Variants in LAMA3 observed in about 807,000 individuals in gnomAD.
LAMA3 encodes laminin subunit alpha-3.
LAMA3 carries 281 observed loss-of-function variants against 402.0 expected under a neutral mutation model. The observed-to-expected ratio is 0.70, with a 90% CI of 0.63 to 0.77. The LOEUF is 0.77. Among genes scored for constraint, LAMA3 ranks in the 30% least tolerant of loss-of-function variants. The probability of loss-of-function intolerance (pLI) is 0.00; values close to 1 mark genes in which losing one functional copy is unlikely to be tolerated. For missense variants in LAMA3, 3,840 were observed against 4,215.5 expected (o/e 0.91, Z 2.47); for synonymous variants, 1,431 against 1,558.4 (o/e 0.92, Z 1.93).
chr18:23,932,450 A>G (rs1416870578), intron 66 of LAMA3, 159 bp downstream of exon 66: 1 of 769,700 alleles, frequency 1.3e-6, no homozygotes, highest in East Asian at 2.8e-5. Flanking sequence ...AGATACACCC[A>G]TTAAAAAACC....
intron 55 of LAMA3, 145 bp from the exon 56 acceptor site, chr18:23,912,566 C>T (rs1449985534): frequency 1.4e-6 from 1 of 716,414 alleles, no homozygotes. Flanking sequence ...TGATCCAGGG[C>T]TTAGAGACAT....
intron 23 of LAMA3, among the ~76,000 whole-genome samples, chr18:23,830,069 AC>A (rs1188972704): frequency 4.0e-5 from 6 of 151,668 alleles, no homozygotes; most frequent in African/African-American, 1.4e-4. Context: ...CTGCTTCCAG[AC>A]CTAGAGGACA....
intron 42 of LAMA3, among the ~76,000 whole-genome samples, chr18:23,890,589 G>A (rs910869096): frequency 1.3e-5 from 2 of 152,160 alleles, no homozygotes; most frequent in African/African-American, 4.8e-5. Context: ...AAGATAATTA[G>A]CAGAAGTTAG....
intron 13 of LAMA3, among the ~76,000 whole-genome samples, chr18:23,811,538 C>T (rs1275170118): frequency 1.3e-5 from 2 of 152,150 alleles, no homozygotes; most frequent in East Asian, 3.9e-4. Context: ...CTGCTCACCT[C>T]CATGGGCCTC....
At chr18:23,947,216 C>A (rs758464611) in intron 70 of LAMA3, among the ~76,000 whole-genome samples, 12 of 152,128 alleles carry the variant, frequency 7.9e-5, no homozygotes, top group Non-Finnish European at 1.5e-4. Context: ...CTCTCTCCTA[C>A]CCCCTGCCAC....
rs918507857 is a variant in LAMA3 at position 23,811,977 on chromosome 18, G to C, written c.1742-1080G>C. On this transcript the variant is annotated intron_variant, in intron 13 of 74. Coordinates refer to ENST00000313654, the MANE Select transcript of LAMA3 (RefSeq NM_198129.4). Reference sequence around the variant, plus strand: ...CGAGCTCTGCCTCACGGGTTCAAGCGATTCTCCTGCCTCAGCCTCTCGAGT... The same window carrying C: ...CGAGCTCTGCCTCACGGGTTCAAGCCATTCTCCTGCCTCAGCCTCTCGAGT... 2.0e-5 allele frequency among the ~76,000 whole-genome samples: 3 copies of C among 151,886 alleles called. No individual in the cohort carries two copies. The East Asian group carries it at 5.9e-4, about 30-fold the overall frequency.
chr18:23,806,807 A>T (rs2062971186), intron 12 of LAMA3, among the ~76,000 whole-genome samples: 1 of 152,124 alleles, frequency 6.6e-6, no homozygotes, highest in African/African-American at 2.4e-5. Context: ...GGAGATAAGG[A>T]TTTCTTTCTA....
chr18:23,876,422 A>G lies in LAMA3; in HGVS notation c.5112+15A>G. 6.7e-7 allele frequency: 1 copy of G among 1,489,128 alleles called. No homozygotes were observed. 92.2% of individuals were successfully genotyped at this position (1,489,128 alleles called of 1,614,324 possible). On this transcript the variant is annotated intron_variant, in intron 39 of 74. Coordinates refer to ENST00000313654, the MANE Select transcript of LAMA3 (RefSeq NM_198129.4). ...GCATATGTGTTGTGAGTAAATTGAC[A>G]CTTTAATGCTATCAGCAGACAATCT...
At chr18:23,905,823 G>T (rs2081229616) in intron 52 of LAMA3, among the ~76,000 whole-genome samples, 199 bp downstream of exon 52, 2 of 152,072 alleles carry the variant, frequency 1.3e-5, no homozygotes. Context: ...GGAGTGCAGT[G>T]GCACAATCAT....
chr18:23,909,098 G>A (rs1470065962), intron 54 of LAMA3, 55 bp from the exon 55 acceptor site: 2 of 1,534,542 alleles, frequency 1.3e-6, no homozygotes, highest in Admixed American at 3.3e-5. Flanking sequence ...AACATTTGTA[G>A]TTAGCCTTTT....
At chr18:23,937,373 A>C (rs1165866939) in intron 67 of LAMA3, among the ~76,000 whole-genome samples, 1 of 6,236 alleles carries the variant, frequency 1.6e-4, no homozygotes, top group South Asian at 5.5e-3. Context: ...CTCAAAAGCA[A>C]AAAAAAAAAA....
At chr18:23,704,546 C>A (rs1266689555) in intron 1 of LAMA3, among the ~76,000 whole-genome samples, 1 of 152,206 alleles carries the variant, frequency 6.6e-6, no homozygotes, top group Non-Finnish European at 1.5e-5. Flanking sequence ...CACAGTGTTC[C>A]TTTGCTGGGC....
intron 1 of LAMA3, among the ~76,000 whole-genome samples, chr18:23,711,800 AATT>A (rs1480829965): frequency 5.3e-5 from 8 of 152,196 alleles, no homozygotes; most frequent in African/African-American, 9.7e-5. Context: ...TCTTCATCTT[AATT>A]ATTATTATTA....
At position 23,811,651 on chromosome 18, in the gene LAMA3, G is replaced by T. The variant is rs374399822; in HGVS notation, c.1741+1148G>T. On this transcript the variant is annotated intron_variant, in intron 13 of 74. Transcript: ENST00000313654. ...TTTGTGTCCTGGAGAGGAACCCGAG[G>T]TTGGGCATGGAAAACAAACAGCTGG... Among the ~76,000 whole-genome samples, 128 of 152,236 alleles carry T rather than the reference G, an allele frequency of 8.4e-4. 3 individuals are homozygous for T. The South Asian group carries it at 0.026, about 30-fold the overall frequency.
chr18:23,844,825 G>T (rs944652189), intron 29 of LAMA3, among the ~76,000 whole-genome samples, 184 bp from the exon 30 acceptor site: 1 of 152,144 alleles, frequency 6.6e-6, no homozygotes, highest in African/African-American at 2.4e-5. Flanking sequence ...AATCCAAAAT[G>T]CTCCAGTGAG....
intron 65 of LAMA3, 68 bp from the exon 66 acceptor site, chr18:23,932,092 T>C: frequency 6.3e-7 from 1 of 1,581,162 alleles, no homozygotes; most frequent in South Asian, 1.1e-5. Flanking sequence ...AGACAGTGAG[T>C]TGGCCACATG....
In LAMA3 at chr18:23,827,461, G is replaced by A. The variant is rs770907113; in HGVS notation, c.2817G>A (p.Gly939=). The A allele has an allele frequency of 6.2e-7, 1 of 1,614,102 alleles. No individual in the cohort carries two copies. The highest frequency in any genetic ancestry group is 1.7e-5 in the Admixed American group (1 of 60,028). ...ACCCTGTCATGGTGGACCTCAGCGG[G>A]AGAGAGGTGGGCCAGCCTTTTATTT... ...PAHPVMVDLS[G]REVELHLRLR... Residue 939 remains glycine, a synonymous_variant, in exon 23 of 75, where the codon GGG becomes GGA. Transcript: ENST00000313654.
rs1323648854 is a variant in LAMA3 at position 23,748,296 on chromosome 18, C to T, written c.565+236C>T. Among the ~76,000 whole-genome samples, 4 of 149,900 alleles carry T rather than the reference C, an allele frequency of 2.7e-5. No homozygotes were observed. The East Asian group carries it at 6.0e-4, about 22-fold the overall frequency. Reference sequence around the variant, plus strand: ...ATACAAAAATTAGCCAGGCACATGCCTGTTATCCCAGCTACTCGGGAGGCT... The same window carrying T: ...ATACAAAAATTAGCCAGGCACATGCTTGTTATCCCAGCTACTCGGGAGGCT... On this transcript the variant is annotated intron_variant, in intron 3 of 74. Coordinates refer to ENST00000313654, the MANE Select transcript of LAMA3 (RefSeq NM_198129.4).
intron 21 of LAMA3, among the ~76,000 whole-genome samples, chr18:23,826,062 C>T (rs1941519): frequency 0.16 from 23,599 of 152,180 alleles, 2,683 homozygotes; most frequent in East Asian, 0.57. Flanking sequence ...CCCCTCTTCC[C>T]TCTGCAGATA....
Sources: allele counts gnomAD v4.1 joint callset (sites outside exome capture counted in the v4.1 genomes callset), GRCh38; gene constraint gnomAD v4.1.1; transcripts MANE v1.5; gene names NCBI Gene and HGNC (gene_info 2026-07-23, HGNC 2026-07-21).